Variants in PKHD1 observed in about 807,000 individuals in gnomAD.
PKHD1 encodes the protein fibrocystin.
In PKHD1, 291 loss-of-function variants were observed where a neutral mutation model predicts 412.0. That is an observed-to-expected ratio of 0.71 (90% CI 0.64 to 0.78). The LOEUF is 0.78. PKHD1 is among the 30% of genes least tolerant of loss of function. PKHD1 has a pLI of 0.00. For synonymous variants in PKHD1, 1,777 were observed against 1,821.5 expected (o/e 0.98, Z 0.62); for missense variants, 4,825 against 4,950.7 (o/e 0.97, Z 0.76).
At chr6:51,799,446 G>C (rs1762577773) in intron 52 of PKHD1, among the ~76,000 whole-genome samples, 1 of 152,074 alleles carries the variant, frequency 6.6e-6, no homozygotes, top group Admixed American at 6.6e-5. Flanking sequence ...TAAATAATGT[G>C]ATATACTTGA....
At chr6:51,766,989 C>T (rs1036982959) in intron 55 of PKHD1, among the ~76,000 whole-genome samples, 1 of 151,912 alleles carries the variant, frequency 6.6e-6, no homozygotes, top group African/African-American at 2.4e-5. Flanking sequence ...ATGGTTTTAA[C>T]TTTTTTACAT....
At chr6:51,774,843 C>A (rs189062165) in intron 54 of PKHD1, among the ~76,000 whole-genome samples, 215 of 151,856 alleles carry the variant, frequency 1.4e-3, no homozygotes, top group Middle Eastern at 3.4e-3. Flanking sequence ...CACAGCAATG[C>A]ATCTAAGGGA....
At position 52,083,778 on chromosome 6, in the gene PKHD1, G is replaced by A. The variant is rs113503794; in HGVS notation, c.53-523C>T. Among the ~76,000 whole-genome samples the A allele has an allele frequency of 4.8e-3, 729 of 152,006 alleles. 4 individuals carry two copies. The highest frequency in any genetic ancestry group is 0.016 in the African/African-American group (667 of 41,486). On this transcript the variant is annotated intron_variant, in intron 2 of 66. Transcript: ENST00000371117. The stretch of plus-strand genomic sequence containing the variant: ...TTGCATTCCTTTTAATGGCAAAACC[G>A]CGATTACTTTTGCACCAACCTAATA...
chr6:51,855,725 A>G lies in PKHD1; in HGVS notation c.7911+168T>C, dbSNP rs142487097. On this transcript the variant is annotated intron_variant, in intron 49 of 66. Transcript: ENST00000371117. ...AGCAACCAAATCTCATATTTAGCTT[A>G]TATTCATCTGGCCAAAATACTATTG... 7.2e-5 allele frequency among the ~76,000 whole-genome samples: 11 copies of G among 152,376 alleles called. No individual in the cohort carries two copies. In the East Asian group the frequency reaches 1.9e-3, roughly 27 times the overall value.
At chr6:52,034,331 G>A (rs1457877720) in intron 28 of PKHD1, among the ~76,000 whole-genome samples, 1 of 147,342 alleles carries the variant, frequency 6.8e-6, no homozygotes, top group African/African-American at 2.5e-5. Flanking sequence ...GTTGTTTCAG[G>A]AAGGGGGACT....
intron 52 of PKHD1, among the ~76,000 whole-genome samples, chr6:51,824,496 C>T (rs1397685509): frequency 6.6e-6 from 1 of 152,062 alleles, no homozygotes; most frequent in Non-Finnish European, 1.5e-5. Flanking sequence ...TCACTAAGGT[C>T]TATGATTCTC....
rs111809699 is a variant in PKHD1 at position 52,069,502 on chromosome 6, G to A, written c.733C>T (p.Leu245=). 4,754 of 1,613,284 alleles carry A rather than the reference G, an allele frequency of 2.9e-3. 134 individuals carry two copies. The African/African-American group carries it at 0.056, about 19-fold the overall frequency. ...AAAAGATCCTGTTTAGCACTGATCA[G>A]CCATGCCTTCTTGTGGACCATTGAC... ...GKSMVHKKAW[L]ISAKQDLFLY... The change falls in exon 11 of 67, where the codon CTG becomes TTG. Residue 245 remains leucine (L), a synonymous_variant. Transcript: ENST00000371117.
intron 7 of PKHD1, 70 bp downstream of exon 7, chr6:52,073,393 G>T: frequency 2.1e-6 from 2 of 944,838 alleles, no homozygotes; most frequent in Non-Finnish European, 3.5e-6. Flanking sequence ...TTGCCATCAG[G>T]GAAGCTGGTC....
rs10638642 is a variant in PKHD1, at chr6:51,859,525, C to CAAAAAAAA, written c.7734-3463_7734-3456dup. 2.8e-3 allele frequency among the ~76,000 whole-genome samples: 322 copies of CAAAAAAAA among 114,450 alleles called. 3 individuals carry two copies. The highest frequency in any genetic ancestry group is 7.7e-3 in the African/African-American group (230 of 29,748). 75.1% of individuals were successfully genotyped at this position (114,450 alleles called of 152,430 possible). A position where few individuals can be genotyped will look rare whatever the true frequency, so the allele number is the denominator to read the frequency against. ...TGGGCAACAGAGCGAGATTCCGTCC[C>CAAAAAAAA]AAAAAAAAAAAAAAAAAATTACCTC... is the stretch of plus-strand genomic sequence containing the variant. On this transcript the variant is annotated intron_variant, in intron 48 of 66. Coordinates refer to ENST00000371117, the MANE Select transcript of PKHD1 (RefSeq NM_138694.4).
At chr6:51,758,013 AAAGAGAGAGAG>A (rs935075630) in intron 55 of PKHD1, among the ~76,000 whole-genome samples, 9 of 99,564 alleles carry the variant, frequency 9.0e-5, no homozygotes, top group South Asian at 5.1e-4. Context: ...GACCCTGCCA[AAAGAGAGAGAG>A]AGAGAGAGAG....
chr6:52,008,133 C>T (rs1438258291), intron 35 of PKHD1, among the ~76,000 whole-genome samples: 2 of 152,212 alleles, frequency 1.3e-5, no homozygotes, highest in African/African-American at 4.8e-5. Flanking sequence ...TCCCTACACA[C>T]TGGCACTAGA....
At chr6:52,066,824 C>T (rs936389958) in intron 11 of PKHD1, among the ~76,000 whole-genome samples, 1 of 152,080 alleles carries the variant, frequency 6.6e-6, no homozygotes, top group African/African-American at 2.4e-5. Context: ...TGCTTGAACC[C>T]AGGAGGCGGA....
At chr6:51,962,216 TG>T (rs1388445489) in intron 35 of PKHD1, among the ~76,000 whole-genome samples, 1 of 152,082 alleles carries the variant, frequency 6.6e-6, no homozygotes, top group Non-Finnish European at 1.5e-5. Flanking sequence ...GACATTAACC[TG>T]GTGGTCAGAT....
At chr6:51,783,636 C>T (rs1424333319) in intron 53 of PKHD1, among the ~76,000 whole-genome samples, 1 of 151,856 alleles carries the variant, frequency 6.6e-6, no homozygotes, top group Non-Finnish European at 1.5e-5. Flanking sequence ...TAAGAGGAGA[C>T]ATTGATGAAA....
At chr6:51,964,890 T>G (rs1030725671) in intron 35 of PKHD1, among the ~76,000 whole-genome samples, 3 of 152,142 alleles carry the variant, frequency 2.0e-5, no homozygotes, top group African/African-American at 7.2e-5. Context: ...GGGTTTTATA[T>G]CTGCATGTTA....
chr6:51,738,473 C>T (rs575521866), intron 60 of PKHD1, among the ~76,000 whole-genome samples: 33 of 152,100 alleles, frequency 2.2e-4, no homozygotes, highest in Admixed American at 3.9e-4. Flanking sequence ...GTGTTGTAGT[C>T]ACGATTTTTG....
chr6:51,883,429 G>T (rs945814971), intron 45 of PKHD1, among the ~76,000 whole-genome samples: 15 of 152,098 alleles, frequency 9.9e-5, no homozygotes, highest in Admixed American at 2.6e-4. Context: ...ACACCCCTTT[G>T]TACTTTTCAT....
chr6:51,955,103 TA>T (rs1380227400), intron 36 of PKHD1, among the ~76,000 whole-genome samples: 1 of 151,964 alleles, frequency 6.6e-6, no homozygotes, highest in Non-Finnish European at 1.5e-5. Flanking sequence ...TATAATTAAC[TA>T]AATCAAGGCA....
Position 51,693,773 on chromosome 6 carries a change from C to G in PKHD1, c.10157-33804G>C, listed in dbSNP as rs565382569. 6.0e-4 allele frequency among the ~76,000 whole-genome samples: 92 copies of G among 152,312 alleles called. No individual in the cohort carries two copies. In the South Asian group the frequency reaches 0.015, roughly 24 times the overall value. On this transcript the variant is annotated intron_variant, in intron 60 of 66. Transcript: ENST00000371117. ...ATACCAGATGACATGTACTGAGTGA[C>G]TGAGTGCTTACAATGAGACAACTGC...
Sources: allele counts gnomAD v4.1 joint callset (sites outside exome capture counted in the v4.1 genomes callset), GRCh38; gene constraint gnomAD v4.1.1; transcripts MANE v1.5; gene names NCBI Gene and HGNC (gene_info 2026-07-23, HGNC 2026-07-21).